HPD: variants seen among roughly 807,000 people sequenced by gnomAD.
HPD encodes 4-hydroxyphenylpyruvate dioxygenase, also known as 4-hydroxyphenylpyruvic acid oxidase.
A neutral mutation model predicts 56.9 loss-of-function variants in HPD; 35 were observed. The observed-to-expected ratio is 0.62, with a 90% CI of 0.47 to 0.82. HPD has a LOEUF of 0.82. Among genes scored for constraint, HPD ranks in the 40% least tolerant of loss-of-function variants. The pLI is 0.00. For synonymous variants in HPD, 186 were observed against 200.2 expected (o/e 0.93, Z 0.60); for missense variants, 442 against 506.8 (o/e 0.87, Z 1.23).
chr12:121,849,986 C>T (rs1251291297), intron 7 of HPD, 196 bp from the exon 8 acceptor site: 13 of 600,848 alleles, frequency 2.2e-5, no homozygotes, highest in Admixed American at 1.6e-4. Flanking sequence ...TCCGTGAGGG[C>T]GGGGACACTG....
At chr12:121,865,928 G>A (rs1001630760), upstream of HPD, among the ~76,000 whole-genome samples, 4 of 152,110 alleles carry the variant, frequency 2.6e-5, no homozygotes, top group East Asian at 1.9e-4. Flanking sequence ...TGGAGGTTGC[G>A]GTAAGCCTAG....
intron 4 of HPD, 98 bp downstream of exon 4, chr12:121,857,230 C>A: frequency 1.2e-6 from 1 of 819,630 alleles, no homozygotes; most frequent in Non-Finnish European, 2.1e-6. Context: ...CAGGTGCCCA[C>A]CATCATGCCC....
At chr12:121,873,815 C>CA in the HPD span, among the ~76,000 whole-genome samples, 10 of 148,272 alleles carry the variant, frequency 6.7e-5, no homozygotes, top group Admixed American at 1.4e-4. Context: ...GACTCCGTCT[C>CA]AAAAAAAAAA....
Position 121,839,752 on chromosome 12 carries a change from G to T in HPD, c.1158C>A (p.Thr386=). The T allele has an allele frequency of 6.2e-7, 1 of 1,613,774 alleles. No individual in the cohort carries two copies. Among genetic ancestry groups the T allele is most frequent in the Non-Finnish European group, 8.5e-7 (1 of 1,179,636 alleles). Residue 386 remains threonine (T), a synonymous_variant, in exon 14 of 14, where the codon ACC becomes ACA. Transcript: ENST00000289004. ...CTTACATGCCGGGCACCACCCCATTGGTCTCCATGTTGGTGAGGTTACCCC... is the reference window on the plus strand; with the variant it reads ...CTTACATGCCGGGCACCACCCCATTTGTCTCCATGTTGGTGAGGTTACCCC... The part of the protein sequence containing the change: ...NLRGNLTNME[T]NGVVPGM
chr12:121,880,292 T>G, the HPD span, among the ~76,000 whole-genome samples: 1 of 151,842 alleles, frequency 6.6e-6, no homozygotes, highest in Non-Finnish European at 1.5e-5. Context: ...AACCTCTGCC[T>G]CCCAGGTTTA....
At chr12:121,853,976 A>G (rs1035024486) in intron 7 of HPD, among the ~76,000 whole-genome samples, 1 of 151,736 alleles carries the variant, frequency 6.6e-6, no homozygotes, top group Non-Finnish European at 1.5e-5. Context: ...AAGGCCGGGC[A>G]CAGTGGCCCA....
At chr12:121,855,703 C>A (rs1877966385) in intron 6 of HPD, among the ~76,000 whole-genome samples, 1 of 148,652 alleles carries the variant, frequency 6.7e-6, no homozygotes, top group African/African-American at 2.5e-5. Flanking sequence ...GGCAACAGAG[C>A]AAGACTCTGA....
intron 4 of HPD, chr12:121,857,013 G>A (rs1040756849): frequency 6.0e-6 from 3 of 496,384 alleles, no homozygotes; most frequent in South Asian, 2.1e-5. Flanking sequence ...GTACAAAGAT[G>A]CCAGCGGAGG....
the HPD span, among the ~76,000 whole-genome samples, chr12:121,873,856 C>A: frequency 6.6e-6 from 1 of 152,112 alleles, no homozygotes; most frequent in African/African-American, 2.4e-5. Context: ...TGGCGGTTCA[C>A]GCCTGTAATC....
upstream of HPD, among the ~76,000 whole-genome samples, chr12:121,862,932 G>A (rs906868913): frequency 6.6e-6 from 1 of 150,888 alleles, no homozygotes; most frequent in Non-Finnish European, 1.5e-5. Flanking sequence ...CGCTCGCCTT[G>A]GCCTCCCAAA....
Position 121,839,983 on chromosome 12 carries a change from C to T in HPD, c.1020G>A (p.Val340=). 6.2e-7 allele frequency: 1 copy of T among 1,613,988 alleles called. No homozygotes were observed. Among genetic ancestry groups the T allele is most frequent in the Non-Finnish European group, 8.5e-7 (1 of 1,179,964 alleles). ...GYLLQIFTKP[V]QDRPTLFLEV... ...CCAGGAAGAGCGTGGGCCGGTCCTGCACCGGTTTGGTGAAGATCTGCAGGA... is the reference window on the plus strand; with the variant it reads ...CCAGGAAGAGCGTGGGCCGGTCCTGTACCGGTTTGGTGAAGATCTGCAGGA... Residue 340 remains valine (V), a synonymous_variant, in exon 13 of 14, where the codon GTG becomes GTA. Transcript: ENST00000289004.
chr12:121,855,415 C>G (rs1877954932), intron 6 of HPD, among the ~76,000 whole-genome samples: 2 of 152,108 alleles, frequency 1.3e-5, no homozygotes, highest in Non-Finnish European at 1.5e-5. Flanking sequence ...TAGAGTTGTG[C>G]TCAAGAAACA....
chr12:121,871,753 G>A, the HPD span, among the ~76,000 whole-genome samples: 1 of 152,080 alleles, frequency 6.6e-6, no homozygotes, highest in African/African-American at 2.4e-5. Flanking sequence ...CGGGACATAG[G>A]ACCCCTGGGC....
At position 121,849,788 on chromosome 12, in the gene HPD, A is replaced by G. The variant is rs1877704676; in HGVS notation, c.417T>C (p.Tyr139=). 6.2e-7 allele frequency: 1 copy of G among 1,610,444 alleles called. No individual in the cohort carries two copies. The highest frequency in any genetic ancestry group is 1.1e-5 in the South Asian group (1 of 90,982). Reference sequence around the variant, plus strand: ...CCACCAGGGTGTGTGTGGTGTCCCCATACTACGGGTGGAAAACAGCCTGGC... The same window carrying G: ...CCACCAGGGTGTGTGTGGTGTCCCCGTACTACGGGTGGAAAACAGCCTGGC... ...GKVKFAVLQT[Y]GDTTHTLVEK... Residue 139 remains tyrosine (Y), a splice_region_variant and synonymous_variant, in exon 8 of 14, where the codon TAT becomes TAC. Coordinates refer to ENST00000289004, the MANE Select transcript of HPD (RefSeq NM_002150.3).
the HPD span, among the ~76,000 whole-genome samples, chr12:121,883,613 A>AAT: frequency 3.3e-5 from 5 of 152,058 alleles, no homozygotes; most frequent in Non-Finnish European, 7.4e-5. Flanking sequence ...TTTATTTGGA[A>AAT]AAATTTCAAA....
Position 121,840,067 on chromosome 12 carries a change from G to T in HPD, c.955-19C>A, listed in dbSNP as rs766334118. ...TCAGCTCCTAGGCGGGAGACAGGGG[G>T]CTCTGCTAGGGGAGGCTGGCACGGT... On this transcript the variant is annotated intron_variant, in intron 12 of 13. Transcript: ENST00000289004. 5.3e-6 allele frequency: 8 copies of T among 1,514,742 alleles called. No homozygotes were observed. Among genetic ancestry groups the T allele is most frequent in the South Asian group, 3.4e-5 (3 of 89,186 alleles). The allele number at this position is 1,514,742 out of a possible 1,614,324, so 93.8% of individuals were successfully genotyped here.
At chr12:121,876,186 C>T in the HPD span, among the ~76,000 whole-genome samples, 1 of 152,136 alleles carries the variant, frequency 6.6e-6, no homozygotes, top group Non-Finnish European at 1.5e-5. Flanking sequence ...TGGCGGGCGC[C>T]TGTAGTCCCA....
At chr12:121,841,184 G>C (rs1026095786) in intron 12 of HPD, among the ~76,000 whole-genome samples, 3 of 144,482 alleles carry the variant, frequency 2.1e-5, no homozygotes, top group Non-Finnish European at 4.5e-5. Flanking sequence ...CTGGGCAACA[G>C]AGCAAGACTC....
the HPD span, among the ~76,000 whole-genome samples, chr12:121,873,811 G>A: frequency 9.5e-5 from 7 of 73,664 alleles, no homozygotes; most frequent in South Asian, 5.1e-4. Flanking sequence ...CAGAGACTCC[G>A]TCTCAAAAAA....
Sources: allele counts gnomAD v4.1 joint callset (sites outside exome capture counted in the v4.1 genomes callset), GRCh38; gene constraint gnomAD v4.1.1; transcripts MANE v1.5; gene names NCBI Gene and HGNC (gene_info 2026-07-23, HGNC 2026-07-21).